FHIT: variants seen among roughly 807,000 people sequenced by gnomAD.
FHIT encodes bis(5'-adenosyl)-triphosphatase.
In FHIT, 19 loss-of-function variants were observed where a neutral mutation model predicts 17.9. That is an observed-to-expected ratio of 1.06 (90% confidence interval 0.74 to 1.56). The LOEUF (loss-of-function observed/expected upper bound fraction) is 1.56. FHIT is among the 40% of genes most tolerant of loss of function. The probability of loss-of-function intolerance (pLI) is 0.00; values close to 1 mark genes in which losing one functional copy is unlikely to be tolerated. For missense variants in FHIT, 248 were observed against 189.2 expected, an observed-to-expected ratio of 1.31 and a Z score of -1.82; for synonymous variants, 81 against 69.7, an observed-to-expected ratio of 1.16 and a Z score of -0.81.
At chr3:61,097,608 C>T (rs2035682714) in intron 2 of FHIT, among the ~76,000 whole-genome samples, 1 of 152,144 alleles carries the variant, frequency 6.6e-6, no homozygotes, top group African/African-American at 2.4e-5. Context: ...CCCTGACCAG[C>T]ATCTGCTACT....
intron 4 of FHIT, among the ~76,000 whole-genome samples, chr3:60,616,620 CA>C (rs1401134881): frequency 3.1e-5 from 4 of 127,674 alleles, no homozygotes; most frequent in Non-Finnish European, 7.2e-5. Context: ...AGGTATAAAT[CA>C]AACGTGAAAG....
chr3:60,843,323 CCTTATTATGTTCCAAT>C lies in FHIT; in HGVS notation c.-110-21328_-110-21313del, dbSNP rs1702803683. On this transcript the variant is annotated intron_variant, in intron 3 of 9. Coordinates refer to ENST00000492590, the MANE Select transcript of FHIT (RefSeq NM_002012.4). ...TCACAAAAGAGAAGTGAAATAAGTA[CCTTATTATGTTCCAAT>C]AATATCAAGATACAAATCTATCTTT... Among the ~76,000 whole-genome samples the C allele has an allele frequency of 2.0e-4, 30 of 152,158 alleles. No homozygotes were observed. In the South Asian group the frequency reaches 6.2e-3, roughly 32 times the overall value.
Position 59,752,239 on chromosome 3 carries a change from A to G in FHIT, c.431T>C (p.Val144Ala). The change falls in exon 9 of 10, where the codon GTC becomes GCC. Residue 144 changes from valine (V) to alanine (A), a missense_variant. By Grantham distance (64) the Val-to-Ala change is moderately conservative. Coordinates refer to ENST00000492590, the MANE Select transcript of FHIT (RefSeq NM_002012.4). Reference sequence around the variant, plus strand: ...TCTTTACCTGTGTCACTGAAAGTAGACCCGCAGAGCTGCGGCTTCTGCTGC... The same window carrying G: ...TCTTTACCTGTGTCACTGAAAGTAGGCCCGCAGAGCTGCGGCTTCTGCTGC... ...EMAAEAAALR[V>A]YFQ 6.2e-7 allele frequency: 1 copy of G among 1,612,674 alleles called. No homozygotes were observed. Among genetic ancestry groups the G allele is most frequent in the East Asian group, 2.2e-5 (1 of 44,750 alleles).
At chr3:59,845,533 C>T (rs143779933) in intron 8 of FHIT, among the ~76,000 whole-genome samples, 2 of 151,682 alleles carry the variant, frequency 1.3e-5, no homozygotes, top group Non-Finnish European at 2.9e-5. Context: ...TTATTTAATC[C>T]AGTTGTTGCT....
In FHIT at chr3:61,057,886, C is replaced by G. The variant is rs528413495; in HGVS notation, c.-163-15787G>C. Among the ~76,000 whole-genome samples the G allele has an allele frequency of 3.3e-5, 5 of 152,306 alleles. No homozygotes were observed. The East Asian group carries it at 7.7e-4, about 24-fold the overall frequency. On this transcript the variant is annotated intron_variant, in intron 2 of 9. Transcript: ENST00000492590. ...TGTAAACAAGAGCTAAGACGACTAT[C>G]TGAAAAGCTCAGGCAGTTGGTGAGG...
intron 8 of FHIT, among the ~76,000 whole-genome samples, chr3:59,762,639 G>A (rs989893657): frequency 1.3e-4 from 20 of 152,194 alleles, no homozygotes; most frequent in Non-Finnish European, 1.5e-4. Flanking sequence ...TAACATAGTT[G>A]AAAACATGGG....
At chr3:60,108,874 G>C (rs930435953) in intron 5 of FHIT, among the ~76,000 whole-genome samples, 15 of 152,116 alleles carry the variant, frequency 9.9e-5, no homozygotes, top group African/African-American at 3.6e-4. Context: ...TGTTGGTCAG[G>C]CTGGTCTCGT....
chr3:60,626,578 T>G (rs1464416632), intron 4 of FHIT, among the ~76,000 whole-genome samples: 2 of 152,100 alleles, frequency 1.3e-5, no homozygotes, highest in Non-Finnish European at 2.9e-5. Flanking sequence ...TTGCTCAACT[T>G]GTTTATTTCT....
At chr3:60,310,497 G>C (rs907591172) in intron 5 of FHIT, among the ~76,000 whole-genome samples, 4 of 152,030 alleles carry the variant, frequency 2.6e-5, no homozygotes, top group Non-Finnish European at 5.9e-5. Flanking sequence ...AGGCCTAGGG[G>C]TCAGTACTGA....
At chr3:60,419,691 C>T (rs571905438) in intron 5 of FHIT, among the ~76,000 whole-genome samples, 2 of 152,220 alleles carry the variant, frequency 1.3e-5, no homozygotes, top group African/African-American at 4.8e-5. Flanking sequence ...TAATTTCTTA[C>T]TTTTAATTGT....
At chr3:61,219,392 C>T (rs910078940) in intron 1 of FHIT, among the ~76,000 whole-genome samples, 4 of 150,944 alleles carry the variant, frequency 2.6e-5, no homozygotes, top group Non-Finnish European at 4.4e-5. Context: ...ATCCAAAATG[C>T]GAGCAAGTCA....
intron 5 of FHIT, among the ~76,000 whole-genome samples, chr3:60,401,776 T>C (rs987930162): frequency 6.6e-6 from 1 of 152,160 alleles, no homozygotes; most frequent in African/African-American, 2.4e-5. Flanking sequence ...ACAAAAGCAG[T>C]TGGACAGAAA....
At chr3:60,878,955 T>C (rs1704822078) in intron 3 of FHIT, among the ~76,000 whole-genome samples, 1 of 152,198 alleles carries the variant, frequency 6.6e-6, no homozygotes, top group Non-Finnish European at 1.5e-5. Flanking sequence ...AACATACATG[T>C]GCATGTGTCT....
intron 3 of FHIT, among the ~76,000 whole-genome samples, chr3:60,912,074 TAC>T (rs1432893957): frequency 1.4e-5 from 2 of 147,108 alleles, no homozygotes; most frequent in East Asian, 3.9e-4. Context: ...CACACACACG[TAC>T]ACACACATAT....
chr3:59,848,948 A>G (rs1463570422), intron 8 of FHIT, among the ~76,000 whole-genome samples: 3 of 152,238 alleles, frequency 2.0e-5, no homozygotes, highest in Non-Finnish European at 2.9e-5. Flanking sequence ...TTCAAATATC[A>G]CATGATCCTA....
At chr3:60,590,018 G>A (rs896133151) in intron 4 of FHIT, among the ~76,000 whole-genome samples, 2 of 152,040 alleles carry the variant, frequency 1.3e-5, no homozygotes, top group African/African-American at 4.8e-5. Flanking sequence ...GCCTCCAAGA[G>A]AGGACACATC....
intron 1 of FHIT, among the ~76,000 whole-genome samples, chr3:61,243,120 C>CT (rs1242125365): frequency 1.3e-5 from 2 of 152,180 alleles, no homozygotes; most frequent in Non-Finnish European, 2.9e-5. Context: ...ACGAGGACAG[C>CT]TTGGAGGTTA....
chr3:60,220,181 G>A (rs372051831), intron 5 of FHIT, among the ~76,000 whole-genome samples: 102 of 152,198 alleles, frequency 6.7e-4, no homozygotes, highest in African/African-American at 2.3e-3. Context: ...AGTCCTAAAT[G>A]GGCCTGAATA....
intron 5 of FHIT, among the ~76,000 whole-genome samples, chr3:60,207,427 G>A (rs1358963285): frequency 1.3e-5 from 2 of 151,890 alleles, no homozygotes; most frequent in African/African-American, 2.4e-5. Flanking sequence ...CTTCTATATG[G>A]GTCACTTTTC....
Sources: gnomAD v4.1 joint callset for allele counts (sites outside exome capture counted in the v4.1 genomes callset) on GRCh38, gnomAD v4.1.1 for gene constraint, MANE v1.5 for transcripts, NCBI Gene and HGNC (gene_info 2026-07-23, HGNC 2026-07-21) for gene names.